Variants in PDE10A observed in about 807,000 individuals in gnomAD.
The protein encoded by PDE10A is phosphodiesterase 10A.
A neutral mutation model predicts 97.7 loss-of-function variants in PDE10A; 39 were observed. The ratio of observed to expected loss-of-function variants is 0.40; its 90% CI spans 0.31 to 0.52. The LOEUF is 0.52. Ranked by LOEUF, PDE10A falls within the 20% of genes least tolerant of loss-of-function variation. PDE10A has a pLI of 0.56. For missense variants in PDE10A, 731 were observed against 1,047.8 expected (o/e 0.70, Z 4.17); for synonymous variants, 371 against 376.8 (o/e 0.98, Z 0.18).
chr6:165,718,804 G>A (rs1792091472), intron 1 of PDE10A, among the ~76,000 whole-genome samples: 1 of 152,174 alleles, frequency 6.6e-6, no homozygotes, highest in Non-Finnish European at 1.5e-5. Context: ...AGGAAAGAAT[G>A]GCTAAGGATA....
At chr6:165,729,559 C>A (rs752441851) in intron 1 of PDE10A, among the ~76,000 whole-genome samples, 3 of 152,116 alleles carry the variant, frequency 2.0e-5, no homozygotes, top group Non-Finnish European at 4.4e-5. Context: ...TGACCCCGGG[C>A]CCCAACCACA....
chr6:165,894,014 C>G (rs1477294086), intron 1 of PDE10A, among the ~76,000 whole-genome samples: 1 of 152,106 alleles, frequency 6.6e-6, no homozygotes, highest in Non-Finnish European at 1.5e-5. Context: ...GTTCATGGCC[C>G]TGGGCACCTT....
chr6:165,351,511 C>T (rs1782693161), intron 18 of PDE10A, among the ~76,000 whole-genome samples: 1 of 152,150 alleles, frequency 6.6e-6, no homozygotes, highest in Non-Finnish European at 1.5e-5. Context: ...ACCTATAATT[C>T]AAATTACTTG....
intron 1 of PDE10A, among the ~76,000 whole-genome samples, chr6:165,768,922 T>C (rs1777934645): frequency 6.6e-6 from 1 of 152,158 alleles, no homozygotes; most frequent in African/African-American, 2.4e-5. Flanking sequence ...CGCCGCAAAG[T>C]CAATTATTTA....
At chr6:165,597,139 T>G (rs1786646861) in intron 1 of PDE10A, among the ~76,000 whole-genome samples, 1 of 152,172 alleles carries the variant, frequency 6.6e-6, no homozygotes, top group South Asian at 2.1e-4. Flanking sequence ...TCTCCTTTAA[T>G]GCAGGTATCC....
intron 1 of PDE10A, among the ~76,000 whole-genome samples, chr6:165,575,616 A>G (rs2128349274): frequency 6.6e-6 from 1 of 152,338 alleles, no homozygotes; most frequent in South Asian, 2.1e-4. Flanking sequence ...ATCCTGAAAC[A>G]TGATCAACAA....
intron 2 of PDE10A, among the ~76,000 whole-genome samples, chr6:165,516,674 T>G (rs1313415773): frequency 6.6e-6 from 1 of 152,196 alleles, no homozygotes; most frequent in African/African-American, 2.4e-5. Flanking sequence ...CGTGAAAGCT[T>G]CTGGGGCTTA....
At chr6:165,684,377 T>C (rs746813714) in intron 1 of PDE10A, among the ~76,000 whole-genome samples, 3 of 152,236 alleles carry the variant, frequency 2.0e-5, no homozygotes, top group Non-Finnish European at 4.4e-5. Context: ...CACCTGGAGA[T>C]AAATAAATAT....
chr6:165,917,846 G>T (rs750319724), intron 1 of PDE10A, among the ~76,000 whole-genome samples: 3 of 152,116 alleles, frequency 2.0e-5, no homozygotes, highest in African/African-American at 7.2e-5. Context: ...TCTCTGAGCC[G>T]GTGACGCTGG....
At chr6:165,923,443 G>T (rs1208182059) in intron 1 of PDE10A, among the ~76,000 whole-genome samples, 1 of 152,190 alleles carries the variant, frequency 6.6e-6, no homozygotes, top group Non-Finnish European at 1.5e-5. Flanking sequence ...CAGCACCGTC[G>T]ATATGTAGAT....
intron 1 of PDE10A, among the ~76,000 whole-genome samples, chr6:165,959,437 A>G (rs1347813478): frequency 6.6e-6 from 1 of 152,220 alleles, no homozygotes. Context: ...GCCATAAAAA[A>G]TAGTGAGCCA....
chr6:165,608,102 ATACATG>A lies in PDE10A; in HGVS notation c.865+53839_865+53844del, dbSNP rs561075626. On this transcript the variant is annotated intron_variant, in intron 1 of 21. Transcript: ENST00000539869. ...TATATGTATATATATGTGCATATATATACATGTATATATATATATTTTATTATACTT... is the reference window on the plus strand; with the variant it reads ...TATATGTATATATATGTGCATATATATATATATATATATTTTATTATACTT... 1.6e-3 allele frequency among the ~76,000 whole-genome samples: 225 copies of A among 144,136 alleles called. 1 individual carries two copies. Among genetic ancestry groups the A allele is most frequent in the African/African-American group, 5.9e-3 (218 of 36,648 alleles). 94.6% of individuals were successfully genotyped at this position (144,136 alleles called of 152,430 possible).
chr6:165,776,518 A>G (rs550087280), intron 1 of PDE10A, among the ~76,000 whole-genome samples: 1 of 152,312 alleles, frequency 6.6e-6, no homozygotes, highest in East Asian at 1.9e-4. Context: ...TGTTTTTGAT[A>G]TGCATATGCC....
intron 18 of PDE10A, among the ~76,000 whole-genome samples, chr6:165,365,615 A>G (rs546617088): frequency 7.0e-4 from 107 of 152,278 alleles, no homozygotes; most frequent in Middle Eastern, 6.8e-3. Context: ...AGCTACTTGA[A>G]AGACTGAGGT....
intron 13 of PDE10A, among the ~76,000 whole-genome samples, chr6:165,404,213 T>G (rs1299321967): frequency 6.6e-6 from 1 of 152,104 alleles, no homozygotes; most frequent in Non-Finnish European, 1.5e-5. Flanking sequence ...AAAAAGGAAA[T>G]GCTGTGCTGT....
At chr6:165,856,645 A>G (rs1780744820) in intron 1 of PDE10A, among the ~76,000 whole-genome samples, 1 of 152,182 alleles carries the variant, frequency 6.6e-6, no homozygotes. Context: ...TCTATTATAC[A>G]CGTTGTTAGT....
chr6:165,342,202 T>C (rs994256756), intron 19 of PDE10A, among the ~76,000 whole-genome samples: 14 of 152,194 alleles, frequency 9.2e-5, no homozygotes, highest in Non-Finnish European at 1.3e-4. Flanking sequence ...ATTTCTAGGA[T>C]ATGTTGTTCT....
chr6:165,872,471 G>A (rs1243767346), intron 1 of PDE10A, among the ~76,000 whole-genome samples: 2 of 152,126 alleles, frequency 1.3e-5, no homozygotes, highest in Non-Finnish European at 2.9e-5. Context: ...CTTCCTTCTA[G>A]ACAGCACTCC....
At chr6:165,461,282 G>A (rs892526359) in intron 3 of PDE10A, among the ~76,000 whole-genome samples, 1 of 152,126 alleles carries the variant, frequency 6.6e-6, no homozygotes, top group Non-Finnish European at 1.5e-5. Flanking sequence ...TTAAAAGACT[G>A]TTTGTTTGCT....
Sources: gnomAD v4.1 joint callset for allele counts (sites outside exome capture counted in the v4.1 genomes callset) on GRCh38, gnomAD v4.1.1 for gene constraint, MANE v1.5 for transcripts, NCBI Gene and HGNC (gene_info 2026-07-23, HGNC 2026-07-21) for gene names.